The following RIC3 variants were observed in gnomAD, a reference collection of about 807,000 sequenced individuals.
RIC3 encodes RIC3 acetylcholine receptor chaperone.
A neutral mutation model predicts 27.3 loss-of-function variants in RIC3; 28 were observed. That is an observed-to-expected ratio of 1.02 (90% CI 0.76 to 1.41). The LOEUF is 1.41. Ranked by LOEUF, RIC3 falls within the 40% of genes most tolerant of loss-of-function variation. The probability of loss-of-function intolerance (pLI) is 0.00; values close to 1 mark genes in which losing one functional copy is unlikely to be tolerated. For missense variants in RIC3, 501 were observed against 444.7 expected (o/e 1.13, Z -1.14); for synonymous variants, 184 against 160.4 (o/e 1.15, Z -1.11).
At chr11:8,098,029 G>A in the RIC3 span, among the ~76,000 whole-genome samples, 4 of 152,118 alleles carry the variant, frequency 2.6e-5, no homozygotes, top group South Asian at 2.1e-4. Flanking sequence ...TCACACACCC[G>A]ACCCCAAGCT....
intron 5 of RIC3, among the ~76,000 whole-genome samples, chr11:8,121,898 T>G (rs80104169): frequency 1.3e-5 from 2 of 152,116 alleles, no homozygotes; most frequent in African/African-American, 2.4e-5. Context: ...TAACCTTTTT[T>G]ATTTTGAGAT....
At chr11:8,126,299 TG>T (rs1040925201) in intron 5 of RIC3, among the ~76,000 whole-genome samples, 5 of 152,020 alleles carry the variant, frequency 3.3e-5, no homozygotes, top group African/African-American at 1.2e-4. Flanking sequence ...ATAACAAACA[TG>T]AATGTCAAAA....
intron 1 of RIC3, among the ~76,000 whole-genome samples, chr11:8,148,073 T>C (rs947423752): frequency 6.6e-6 from 1 of 152,178 alleles, no homozygotes; most frequent in Admixed American, 6.5e-5. Flanking sequence ...GCTCCTGAGG[T>C]AAGAAAGAAG....
intron 1 of RIC3, among the ~76,000 whole-genome samples, chr11:8,151,304 T>C (rs1164236124): frequency 2.0e-5 from 3 of 151,990 alleles, no homozygotes; most frequent in East Asian, 1.9e-4. Context: ...AAAAGACAAA[T>C]AGGCCGGGCG....
chr11:8,151,417 C>A (rs1950210323), intron 1 of RIC3, among the ~76,000 whole-genome samples: 2 of 150,434 alleles, frequency 1.3e-5, no homozygotes, highest in Non-Finnish European at 3.0e-5. Context: ...GAAACCCCGT[C>A]TCTACTAAAA....
chr11:8,100,542 A>G, the RIC3 span: 125 of 1,613,950 alleles, frequency 7.7e-5, no homozygotes, highest in Non-Finnish European at 6.7e-5. Flanking sequence ...TCGGAAGATG[A>G]GCGTGATTGT....
At chr11:8,101,269 G>A (rs888557191), downstream of RIC3, among the ~76,000 whole-genome samples, 1 of 152,140 alleles carries the variant, frequency 6.6e-6, no homozygotes, top group African/African-American at 2.4e-5. Context: ...CTGTCCCCTG[G>A]TGTTCACATG....
chr11:8,098,959 C>A, the RIC3 span: 1 of 1,001,136 alleles, frequency 1.0e-6, no homozygotes, highest in South Asian at 1.4e-5. Context: ...GCTATCCCAT[C>A]CATCTTAGTG....
At chr11:8,133,909 C>G (rs567341232) in intron 4 of RIC3, among the ~76,000 whole-genome samples, 1 of 151,882 alleles carries the variant, frequency 6.6e-6, no homozygotes, top group South Asian at 2.1e-4. Flanking sequence ...CATGTTGTCT[C>G]TTACCCCAAG....
Position 8,140,104 on chromosome 11 carries a change from G to A in RIC3, c.214C>T (p.Leu72Phe). The change falls in exon 2 of 6, where the codon CTT becomes TTT. Residue 72 changes from leucine (L) to phenylalanine (F), a missense_variant. Physicochemically the swap from Leu to Phe is conservative, Grantham distance 22. Coordinates refer to ENST00000309737, the MANE Select transcript of RIC3 (RefSeq NM_001206671.4). The stretch of plus-strand genomic sequence containing the variant: ...TTGGCCTTTGCAAATGCCTCGGCAA[G>A]GTGAGACCTCTGGAAACGAGCCCCA... ...TPGARFQRSH[L>F]AEAFAKAKGS... 2 of 1,614,126 alleles carry A rather than the reference G, an allele frequency of 1.2e-6. No individual in the cohort carries two copies. The highest frequency in any genetic ancestry group is 1.7e-6 in the Non-Finnish European group (2 of 1,180,024).
At chr11:8,100,687 G>GTA in the RIC3 span, 77 of 1,523,486 alleles carry the variant, frequency 5.1e-5, no homozygotes, top group African/African-American at 9.4e-4. Context: ...GCTGATGTGT[G>GTA]TATGTGGAGG....
chr11:8,151,154 A>T (rs997953973), intron 1 of RIC3, among the ~76,000 whole-genome samples: 1 of 152,238 alleles, frequency 6.6e-6, no homozygotes, highest in Admixed American at 6.5e-5. Flanking sequence ...ATGTCATCAA[A>T]ATTTTAAACT....
chr11:8,097,501 A>G, the RIC3 span: 1 of 1,592,074 alleles, frequency 6.3e-7, no homozygotes, highest in Non-Finnish European at 8.6e-7. Context: ...TGTGACTGGA[A>G]GTCTCATATC....
In RIC3 at chr11:8,155,457, T is replaced by A. The variant is rs181844309; in HGVS notation, c.124+13409A>T. The stretch of plus-strand genomic sequence containing the variant: ...TGGGCATGGTGGCACATGCCTATAA[T>A]CCCAGCTACTCGGGAAGCTAAGGCA... On this transcript the variant is annotated intron_variant, in intron 1 of 5. Coordinates refer to ENST00000309737, the MANE Select transcript of RIC3 (RefSeq NM_001206671.4). Among the ~76,000 whole-genome samples, 948 of 151,882 alleles carry A rather than the reference T, an allele frequency of 6.2e-3. 22 individuals are homozygous for A. Among genetic ancestry groups the A allele is most frequent in the Admixed American group, 0.051 (781 of 15,254 alleles).
At chr11:8,101,733 G>A (rs988194550), downstream of RIC3, 14 of 1,457,016 alleles carry the variant, frequency 9.6e-6, no homozygotes, top group East Asian at 1.2e-4. Flanking sequence ...ATGAAGCTTT[G>A]GCCCTCAGTG....
chr11:8,162,736 C>A (rs1463665568), intron 1 of RIC3, among the ~76,000 whole-genome samples: 2 of 148,070 alleles, frequency 1.4e-5, no homozygotes, highest in African/African-American at 5.0e-5. Flanking sequence ...ACCTCCAACT[C>A]CCAGGTTCAA....
chr11:8,168,370 G>C (rs1165401237), intron 1 of RIC3, among the ~76,000 whole-genome samples: 1 of 152,176 alleles, frequency 6.6e-6, no homozygotes, highest in Non-Finnish European at 1.5e-5. Context: ...GGCACAAGAA[G>C]AGCCTGAAGC....
downstream of RIC3, chr11:8,104,446 C>CTGTGTGTT (rs1175214760): frequency 6.6e-6 from 1 of 152,170 alleles, no homozygotes; most frequent in East Asian, 1.9e-4. Flanking sequence ...GTCTGTGCGT[C>CTGTGTGTT]TGTGTGTTTA....
chr11:8,157,249 C>T (rs1193183859), intron 1 of RIC3, among the ~76,000 whole-genome samples: 1 of 152,200 alleles, frequency 6.6e-6, no homozygotes, highest in Admixed American at 6.5e-5. Flanking sequence ...GTAATGTGAA[C>T]GATGGGGCTG....
Sources: gnomAD v4.1 joint callset for allele counts (sites outside exome capture counted in the v4.1 genomes callset) on GRCh38, gnomAD v4.1.1 for gene constraint, MANE v1.5 for transcripts, NCBI Gene and HGNC (gene_info 2026-07-23, HGNC 2026-07-21) for gene names.